RBPJ: variants seen among roughly 807,000 people sequenced by gnomAD.
RBPJ encodes the protein recombination signal binding protein for immunoglobulin kappa J region.
A neutral mutation model predicts 67.8 loss-of-function variants in RBPJ; 9 were observed. The observed-to-expected ratio is 0.13, with a 90% CI of 0.08 to 0.23. The LOEUF is 0.23. RBPJ is among the 10% of genes least tolerant of loss of function. The pLI is 1.00. For synonymous variants in RBPJ, 198 were observed against 203.3 expected, an observed-to-expected ratio of 0.97 and a Z score of 0.22; for missense variants, 305 against 595.6, an observed-to-expected ratio of 0.51 and a Z score of 5.08.
intron 1 of RBPJ, among the ~76,000 whole-genome samples, chr4:26,210,685 TC>T (rs34455985): frequency 0.31 from 9,857 of 31,444 alleles, 1,577 homozygotes; most frequent in Middle Eastern, 0.41. Flanking sequence ...TTTCTTTCTT[TC>T]CTTTCTTTCT....
chr4:26,268,115 G>C (rs1720763389), intron 1 of RBPJ, among the ~76,000 whole-genome samples: 1 of 152,050 alleles, frequency 6.6e-6, no homozygotes. Context: ...GGATCTGTAA[G>C]TTGTTTTGAT....
intron 1 of RBPJ, among the ~76,000 whole-genome samples, chr4:26,350,716 G>C (rs1465569444): frequency 1.3e-5 from 2 of 152,198 alleles, no homozygotes; most frequent in African/African-American, 4.8e-5. Context: ...AGTATGCCTG[G>C]ATTAGATGTG....
At chr4:26,213,154 G>A (rs1011941063) in intron 1 of RBPJ, among the ~76,000 whole-genome samples, 2 of 152,182 alleles carry the variant, frequency 1.3e-5, no homozygotes, top group Non-Finnish European at 2.9e-5. Flanking sequence ...GAGGTCATGA[G>A]AACCCCAACT....
chr4:26,379,031 A>AAAAT (rs1376599420), intron 1 of RBPJ, among the ~76,000 whole-genome samples: 1 of 152,184 alleles, frequency 6.6e-6, no homozygotes, highest in Non-Finnish European at 1.5e-5. Context: ...CCGTCTCAAT[A>AAAAT]AAATAAATAA....
At chr4:26,306,872 T>A (rs924988831) in intron 1 of RBPJ, among the ~76,000 whole-genome samples, 1 of 152,008 alleles carries the variant, frequency 6.6e-6, no homozygotes, top group African/African-American at 2.4e-5. Flanking sequence ...TTTTTAAAAA[T>A]TAAATATATT....
At chr4:26,266,440 G>A (rs763881599) in intron 1 of RBPJ, among the ~76,000 whole-genome samples, 12 of 152,126 alleles carry the variant, frequency 7.9e-5, no homozygotes, top group African/African-American at 2.9e-4. Context: ...GGAGAAATAG[G>A]ATTGCACAAA....
intron 1 of RBPJ, among the ~76,000 whole-genome samples, chr4:26,221,126 C>T (rs200315638): frequency 6.6e-6 from 1 of 152,082 alleles, no homozygotes; most frequent in Non-Finnish European, 1.5e-5. Flanking sequence ...AGTCTCGTTC[C>T]GTCGCCCAGG....
upstream of RBPJ, among the ~76,000 whole-genome samples, chr4:26,161,627 C>A (rs1331472107): frequency 6.6e-6 from 1 of 152,140 alleles, no homozygotes; most frequent in Non-Finnish European, 1.5e-5. Context: ...CTGCTGCCAC[C>A]TATAGCCAGA....
chr4:26,294,184 G>C (rs1191847495), intron 1 of RBPJ, among the ~76,000 whole-genome samples: 1 of 151,792 alleles, frequency 6.6e-6, no homozygotes, highest in East Asian at 1.9e-4. Flanking sequence ...TGCAACCTCT[G>C]TCACCCGGGT....
rs1382186055 is a variant in RBPJ at position 26,292,709 on chromosome 4, A to C, written c.-166-69737A>C. Among the ~76,000 whole-genome samples, 2 of 150,652 alleles carry C rather than the reference A, an allele frequency of 1.3e-5. 1 individual carries two copies. Among genetic ancestry groups the C allele is most frequent in the Non-Finnish European group, 3.0e-5 (2 of 67,578 alleles). ...ATTGCCGGGATTACAGGTGCGAGCC[A>C]CTGAGCCTGGCCAAAATCCTAACAG... On this transcript the variant is annotated intron_variant, in intron 1 of 4. Coordinates refer to the RBPJ transcript ENST00000512351.
chr4:26,403,939 T>C (rs2109733700), intron 2 of RBPJ, among the ~76,000 whole-genome samples: 1 of 152,370 alleles, frequency 6.6e-6, no homozygotes, highest in Non-Finnish European at 1.5e-5. Context: ...GTTCTGTTTT[T>C]AGCTCTTTGA....
intron 1 of RBPJ, among the ~76,000 whole-genome samples, chr4:26,230,540 C>G (rs993206077): frequency 6.6e-6 from 1 of 152,144 alleles, no homozygotes; most frequent in African/African-American, 2.4e-5. Flanking sequence ...TTTATGGACA[C>G]GTAGTGAATA....
intron 1 of RBPJ, among the ~76,000 whole-genome samples, chr4:26,178,620 A>AG (rs1449572185): frequency 1.3e-5 from 2 of 150,852 alleles, no homozygotes; most frequent in East Asian, 3.9e-4. Context: ...AAAAAAAAAA[A>AG]AAAAAAAAAG....
chr4:26,319,013 A>C (rs113595921), upstream of RBPJ, among the ~76,000 whole-genome samples: 29,764 of 150,298 alleles, frequency 0.2, 4,979 homozygotes, highest in African/African-American at 0.44. Context: ...AAAAAAAAAA[A>C]AAAAAAAAGA....
At position 26,432,546 on chromosome 4, in the gene RBPJ, G is replaced by A. The variant is rs555844666; in HGVS notation, c.*1539G>A. 1 of 152,100 alleles carries A rather than the reference G, an allele frequency of 6.6e-6. No homozygotes were observed. The highest frequency in any genetic ancestry group is 2.4e-5 in the African/African-American group (1 of 41,410). 9.4% of individuals were successfully genotyped at this position (152,100 alleles called of 1,614,324 possible). A position where few individuals can be genotyped will look rare whatever the true frequency, so the allele number is the denominator to read the frequency against. On this transcript the variant is annotated 3_prime_UTR_variant, in exon 11 of 11. Coordinates refer to ENST00000355476, the MANE Select transcript of RBPJ (RefSeq NM_015874.6). ...GTTGGCCTTGCTTGCTAACCCCGCC[G>A]GTTTTACCGTGCTTTCATTCCTGAA...
intron 1 of RBPJ, among the ~76,000 whole-genome samples, chr4:26,328,098 A>G (rs948130292): frequency 6.6e-6 from 1 of 151,658 alleles, no homozygotes; most frequent in Non-Finnish European, 1.5e-5. Context: ...TTTTGCCAGC[A>G]TGTTTTTTCA....
chr4:26,182,769 G>A (rs1284271713), intron 1 of RBPJ, among the ~76,000 whole-genome samples: 4 of 151,968 alleles, frequency 2.6e-5, no homozygotes, highest in Admixed American at 2.6e-4. Flanking sequence ...AAAGTACTGC[G>A]ATTACCGGTG....
chr4:26,422,950 A>G (rs1365101971), intron 5 of RBPJ, among the ~76,000 whole-genome samples: 2 of 152,214 alleles, frequency 1.3e-5, no homozygotes, highest in Non-Finnish European at 2.9e-5. Context: ...TACAGTTTAT[A>G]TTGTGATATG....
intron 1 of RBPJ, among the ~76,000 whole-genome samples, chr4:26,271,750 C>A (rs952434023): frequency 6.6e-6 from 1 of 152,154 alleles, no homozygotes; most frequent in African/African-American, 2.4e-5. Context: ...TCTAAGACCT[C>A]GCCTTCTATG....
Sources: gnomAD v4.1 joint callset for allele counts (sites outside exome capture counted in the v4.1 genomes callset) on GRCh38, gnomAD v4.1.1 for gene constraint, MANE v1.5 for transcripts, NCBI Gene and HGNC (gene_info 2026-07-23, HGNC 2026-07-21) for gene names.